LUC7L2: variants seen among roughly 807,000 people sequenced by gnomAD.
The protein encoded by LUC7L2 is LUC7 like 2, pre-mRNA splicing factor, also known as putative RNA-binding protein Luc7-like 2.
Under a neutral mutation model 52.8 loss-of-function variants are expected in LUC7L2, and 25 were observed. That is an observed-to-expected ratio of 0.47 (90% CI 0.34 to 0.66). The LOEUF (loss-of-function observed/expected upper bound fraction) is 0.66. Ranked by LOEUF, LUC7L2 falls within the 30% of genes least tolerant of loss-of-function variation. The pLI, the probability that LUC7L2 is intolerant of heterozygous loss-of-function variation, is 0.01. For synonymous variants in LUC7L2, 144 were observed against 160.9 expected, an observed-to-expected ratio of 0.89 and a Z score of 0.80; for missense variants, 328 against 497.8, an observed-to-expected ratio of 0.66 and a Z score of 3.25.
Position 139,408,242 on chromosome 7 carries a change from T to A in LUC7L2, c.687+892T>A, listed in dbSNP as rs1053215979. ...GCTAGGGTGATCTCAAGTAATTTTT[T>A]AAAAATTTCGAAAAGAGTCACTATA... On this transcript the variant is annotated intron_variant, in intron 6 of 9. Transcript: ENST00000354926. Among the ~76,000 whole-genome samples, 8 of 152,308 alleles carry A rather than the reference T, an allele frequency of 5.3e-5. No individual in the cohort carries two copies. In the East Asian group the frequency reaches 1.2e-3, roughly 22 times the overall value.
In LUC7L2 at chr7:139,413,970, G is replaced by A. The variant is rs548018064; in HGVS notation, c.809+1390G>A. The stretch of plus-strand genomic sequence containing the variant: ...AACTGTGATACTGTTATTGTTTACT[G>A]TTTGATTAATATAAGCTGGTCCCTT... On this transcript the variant is annotated intron_variant, in intron 8 of 9. Coordinates refer to ENST00000354926, the MANE Select transcript of LUC7L2 (RefSeq NM_016019.5). Among the ~76,000 whole-genome samples, 12 of 152,294 alleles carry A rather than the reference G, an allele frequency of 7.9e-5. No homozygotes were observed. The South Asian group carries it at 1.9e-3, about 24-fold the overall frequency.
chr7:139,351,655 A>G (rs1799462198), intron 1 of LUC7L2, among the ~76,000 whole-genome samples: 1 of 152,140 alleles, frequency 6.6e-6, no homozygotes, highest in South Asian at 2.1e-4. Context: ...CTTCATCTCT[A>G]TTCTCTGTGT....
rs892978393 is a variant in LUC7L2, at chr7:139,396,275, TAAAA to T, written c.157-2316_157-2313del. 2.0e-5 allele frequency among the ~76,000 whole-genome samples: 3 copies of T among 148,148 alleles called. No individual in the cohort carries two copies. The South Asian group carries it at 6.4e-4, about 32-fold the overall frequency. On this transcript the variant is annotated intron_variant, in intron 2 of 9. Coordinates refer to ENST00000354926, the MANE Select transcript of LUC7L2 (RefSeq NM_016019.5). ...CAAGATAGCACCCTTTGTCTCTACT[TAAAA>T]AAAAAAATTAGCTGGATATGGTGGC...
chr7:139,375,201 CT>C, intron 1 of LUC7L2: 6 of 984,456 alleles, frequency 6.1e-6, no homozygotes, highest in Non-Finnish European at 7.2e-6. Context: ...AGCTAGTTAC[CT>C]TTCTTTTTCT....
chr7:139,381,392 A>AT (rs1801013756), intron 2 of LUC7L2, among the ~76,000 whole-genome samples: 31 of 110,642 alleles, frequency 2.8e-4, no homozygotes, highest in African/African-American at 8.4e-4. Context: ...TTTATTTTTT[A>AT]TTTTATTTTA....
At chr7:139,364,413 GA>G (rs1800040606) in intron 1 of LUC7L2, among the ~76,000 whole-genome samples, 1 of 152,170 alleles carries the variant, frequency 6.6e-6, no homozygotes, top group South Asian at 2.1e-4. Context: ...AGGAATGTTA[GA>G]TAGAATTTTA....
At chr7:139,345,642 T>G in intron 1 of LUC7L2, 2 of 1,613,898 alleles carry the variant, frequency 1.2e-6, no homozygotes, top group Non-Finnish European at 1.7e-6. Context: ...GGTGGAGGAG[T>G]CTGCTGGCTT....
chr7:139,372,954 G>T (rs1293374204), intron 1 of LUC7L2, among the ~76,000 whole-genome samples: 1 of 152,102 alleles, frequency 6.6e-6, no homozygotes, highest in Non-Finnish European at 1.5e-5. Flanking sequence ...ATTGTGACAG[G>T]ATACTTTTTC....
At chr7:139,413,926 A>G (rs1239808620) in intron 8 of LUC7L2, among the ~76,000 whole-genome samples, 2 of 152,240 alleles carry the variant, frequency 1.3e-5, no homozygotes, top group African/African-American at 4.8e-5. Flanking sequence ...CTGATCTAGC[A>G]TGATAAGTAG....
In LUC7L2 at chr7:139,402,127, A is replaced by G; in HGVS notation, c.256-10A>G. 2 of 1,571,066 alleles carry G rather than the reference A, an allele frequency of 1.3e-6. No homozygotes were observed. The highest frequency in any genetic ancestry group is 8.6e-7 in the Non-Finnish European group (1 of 1,166,252). On this transcript the variant is annotated splice_polypyrimidine_tract_variant and intron_variant, in intron 3 of 9. Transcript: ENST00000354926. The stretch of plus-strand genomic sequence containing the variant: ...TTCTGACAGTAATTGTCTTTAATTA[A>G]ACTTTGTAGGCCATGGATCATCTGC...
intron 2 of LUC7L2, 26 bp downstream of exon 2, chr7:139,376,182 AG>A: frequency 1.9e-6 from 3 of 1,609,458 alleles, no homozygotes; most frequent in Non-Finnish European, 2.5e-6. Context: ...ATGTATTGTT[AG>A]ATTACTGATA....
chr7:139,385,346 A>G (rs1235734515), intron 2 of LUC7L2, among the ~76,000 whole-genome samples: 1 of 141,346 alleles, frequency 7.1e-6, no homozygotes, highest in African/African-American at 2.6e-5. Flanking sequence ...TTAAAGAAAC[A>G]GGTTCTCATT....
intron 2 of LUC7L2, among the ~76,000 whole-genome samples, 160 bp downstream of exon 2, chr7:139,376,316 G>A (rs1800706882): frequency 6.6e-6 from 1 of 152,070 alleles, no homozygotes; most frequent in South Asian, 2.1e-4. Context: ...CTTCAGTAAT[G>A]GGTTTCCTCA....
chr7:139,404,389 ATC>A, intron 4 of LUC7L2, among the ~76,000 whole-genome samples: 1 of 152,264 alleles, frequency 6.6e-6, no homozygotes, highest in Admixed American at 6.5e-5. Flanking sequence ...CACGCCTGTA[ATC>A]TCAGCTACGT....
intron 1 of LUC7L2, among the ~76,000 whole-genome samples, chr7:139,347,030 T>C (rs1266152951): frequency 1.3e-5 from 2 of 152,132 alleles, no homozygotes; most frequent in Admixed American, 1.3e-4. Flanking sequence ...TCCTAAAGGG[T>C]CTATTTGCTT....
At chr7:139,359,667 G>T, upstream of LUC7L2, 1 of 397,860 alleles carries the variant, frequency 2.5e-6, no homozygotes, top group Admixed American at 4.4e-5. Context: ...ACAGCCGGGA[G>T]GGAATGTAAT....
chr7:139,395,663 C>A (rs1172662154), intron 2 of LUC7L2, among the ~76,000 whole-genome samples: 1 of 152,148 alleles, frequency 6.6e-6, no homozygotes, highest in African/African-American at 2.4e-5. Context: ...ACTTTTGAGA[C>A]AGGGTCTAGC....
intron 7 of LUC7L2, among the ~76,000 whole-genome samples, chr7:139,411,631 AAAT>A (rs1350988000): frequency 2.6e-5 from 4 of 152,208 alleles, no homozygotes; most frequent in African/African-American, 9.6e-5. Context: ...ATCCAAAAAA[AAAT>A]AATAATCCCT....
At chr7:139,353,817 A>G (rs1233949036) in intron 1 of LUC7L2, among the ~76,000 whole-genome samples, 4 of 151,732 alleles carry the variant, frequency 2.6e-5, no homozygotes, top group Non-Finnish European at 5.9e-5. Flanking sequence ...AAACAAAGAA[A>G]CAAAAAAAAA....
Sources: allele counts gnomAD v4.1 joint callset (sites outside exome capture counted in the v4.1 genomes callset), GRCh38; gene constraint gnomAD v4.1.1; transcripts MANE v1.5; gene names NCBI Gene and HGNC (gene_info 2026-07-23, HGNC 2026-07-21).